The following LINGO2 variants were observed in gnomAD, a reference collection of about 807,000 sequenced individuals.
LINGO2 encodes leucine-rich repeat and immunoglobulin-like domain-containing nogo receptor-interacting protein 2.
In LINGO2, 14 loss-of-function variants were observed where a neutral mutation model predicts 30.6. The observed-to-expected ratio is 0.46, with a 90% CI of 0.30 to 0.72. The LOEUF (loss-of-function observed/expected upper bound fraction) is 0.72, where lower values mean the gene tolerates loss of function less well. Among genes scored for constraint, LINGO2 ranks in the 30% least tolerant of loss-of-function variants. The pLI is 0.07. For missense variants in LINGO2, 729 were observed against 751.7 expected (o/e 0.97, Z 0.35); for synonymous variants, 317 against 288.5 (o/e 1.10, Z -1.00).
At chr9:27,993,236 T>C (rs1213155776) in intron 5 of LINGO2, among the ~76,000 whole-genome samples, 1 of 152,162 alleles carries the variant, frequency 6.6e-6, no homozygotes, top group Non-Finnish European at 1.5e-5. Flanking sequence ...CCTTTTCACA[T>C]GCATCCAAAG....
downstream of LINGO2, among the ~76,000 whole-genome samples, chr9:27,947,592 G>A (rs1256495007): frequency 6.6e-6 from 1 of 152,176 alleles, no homozygotes; most frequent in Non-Finnish European, 1.5e-5. Flanking sequence ...AAACCCTGAA[G>A]TTGTCTATTC....
chr9:28,462,685 G>A (rs1326107555), intron 2 of LINGO2, among the ~76,000 whole-genome samples: 2 of 151,918 alleles, frequency 1.3e-5, no homozygotes, highest in Non-Finnish European at 1.5e-5. Flanking sequence ...CACACTCATA[G>A]GATATTAGTG....
chr9:28,605,892 G>A (rs1036112422), intron 1 of LINGO2, among the ~76,000 whole-genome samples: 1 of 152,134 alleles, frequency 6.6e-6, no homozygotes, highest in African/African-American at 2.4e-5. Flanking sequence ...CGTCAAATCC[G>A]AAATATTCAC....
At chr9:29,070,385 C>G in the LINGO2 span, among the ~76,000 whole-genome samples, 1 of 152,148 alleles carries the variant, frequency 6.6e-6, no homozygotes, top group African/African-American at 2.4e-5. Flanking sequence ...TGCAACAACT[C>G]AAATTTGAAG....
intron 4 of LINGO2, among the ~76,000 whole-genome samples, chr9:28,215,040 A>G (rs1291384679): frequency 6.6e-6 from 1 of 151,628 alleles, no homozygotes; most frequent in East Asian, 1.9e-4. Flanking sequence ...CTTCTACAGG[A>G]AATGTCATAA....
At chr9:28,516,410 C>A (rs917035135) in intron 1 of LINGO2, among the ~76,000 whole-genome samples, 1 of 152,200 alleles carries the variant, frequency 6.6e-6, no homozygotes, top group South Asian at 2.1e-4. Context: ...AGTGCTACGA[C>A]TTCACTGTGG....
the LINGO2 span, among the ~76,000 whole-genome samples, chr9:28,766,718 T>C: frequency 6.6e-6 from 1 of 150,456 alleles, no homozygotes; most frequent in Admixed American, 6.6e-5. Context: ...GTGGTATACA[T>C]AAAGAATGGG....
At chr9:28,165,807 T>G (rs767048789) in intron 4 of LINGO2, among the ~76,000 whole-genome samples, 10 of 152,220 alleles carry the variant, frequency 6.6e-5, no homozygotes, top group Admixed American at 2.0e-4. Flanking sequence ...AGAATATCGA[T>G]CACTAAATTT....
At chr9:29,135,395 T>C in the LINGO2 span, among the ~76,000 whole-genome samples, 4 of 151,888 alleles carry the variant, frequency 2.6e-5, no homozygotes, top group South Asian at 4.2e-4. Context: ...CCGTCTCTAC[T>C]AAAAATACAA....
intron 3 of LINGO2, among the ~76,000 whole-genome samples, chr9:28,363,775 T>C (rs2134522237): frequency 6.6e-6 from 1 of 152,306 alleles, no homozygotes; most frequent in Middle Eastern, 3.4e-3. Flanking sequence ...TCCTGTTCCA[T>C]GTGCATTAGA....
chr9:28,523,714 A>C (rs959860940), intron 1 of LINGO2, among the ~76,000 whole-genome samples: 1 of 152,208 alleles, frequency 6.6e-6, no homozygotes, highest in Non-Finnish European at 1.5e-5. Context: ...TATAAAATTG[A>C]CAAAATAAGT....
At chr9:29,150,655 G>T in the LINGO2 span, among the ~76,000 whole-genome samples, 1 of 152,252 alleles carries the variant, frequency 6.6e-6, no homozygotes, top group African/African-American at 2.4e-5. Context: ...AACAGACCAA[G>T]CTGAGAAGAG....
chr9:28,189,676 GAA>G, intron 4 of LINGO2, among the ~76,000 whole-genome samples: 2 of 106,348 alleles, frequency 1.9e-5, no homozygotes, highest in Admixed American at 9.3e-5. Flanking sequence ...AGGGAGGAAG[GAA>G]GGAAGGGAGG....
At chr9:28,390,171 T>C (rs1020124272) in intron 2 of LINGO2, among the ~76,000 whole-genome samples, 1 of 152,212 alleles carries the variant, frequency 6.6e-6, no homozygotes, top group African/African-American at 2.4e-5. Flanking sequence ...CTCAGCTCAT[T>C]GCTTCCACGG....
At chr9:28,368,630 T>G (rs1820771956) in intron 3 of LINGO2, among the ~76,000 whole-genome samples, 2 of 151,336 alleles carry the variant, frequency 1.3e-5, no homozygotes, top group South Asian at 4.2e-4. Flanking sequence ...GGAGTCTCGC[T>G]TTGTAGCCCA....
chr9:29,068,319 A>G, the LINGO2 span, among the ~76,000 whole-genome samples: 4 of 147,622 alleles, frequency 2.7e-5, no homozygotes, highest in East Asian at 5.9e-4. Context: ...GATAATTTTG[A>G]GATAGATGTC....
chr9:28,556,991 T>C (rs1434647762), intron 1 of LINGO2, among the ~76,000 whole-genome samples: 1 of 151,826 alleles, frequency 6.6e-6, no homozygotes, highest in Non-Finnish European at 1.5e-5. Context: ...TATACAAAAA[T>C]CAATTCAAGA....
At chr9:28,108,182 A>G (rs967540356) in intron 4 of LINGO2, among the ~76,000 whole-genome samples, 2 of 152,138 alleles carry the variant, frequency 1.3e-5, no homozygotes, top group African/African-American at 4.8e-5. Flanking sequence ...TACAATACCC[A>G]GTGACTCAAT....
intron 4 of LINGO2, among the ~76,000 whole-genome samples, chr9:28,118,705 A>G (rs1587021926): frequency 1.3e-5 from 2 of 152,332 alleles, no homozygotes; most frequent in Non-Finnish European, 1.5e-5. Context: ...TTACTGTAAA[A>G]TTAACTTATG....
Sources: gnomAD v4.1 joint callset for allele counts (sites outside exome capture counted in the v4.1 genomes callset) on GRCh38, gnomAD v4.1.1 for gene constraint, MANE v1.5 for transcripts, NCBI Gene and HGNC (gene_info 2026-07-23, HGNC 2026-07-21) for gene names.